HES2: variants seen among roughly 807,000 people sequenced by gnomAD.
HES2 encodes the protein transcription factor HES-2.
HES2 carries 11 observed loss-of-function variants against 11.9 expected under a neutral mutation model. That is an observed-to-expected ratio of 0.92 (90% CI 0.58 to 1.53). The LOEUF (loss-of-function observed/expected upper bound fraction) is 1.53, where lower values mean the gene tolerates loss of function less well. Ranked by LOEUF, HES2 falls within the 40% of genes most tolerant of loss-of-function variation. The pLI is 0.00. For synonymous variants in HES2, 125 were observed against 122.8 expected (o/e 1.02, Z -0.12); for missense variants, 260 against 253.8 (o/e 1.02, Z -0.16).
rs1429235293 is a variant in HES2 at position 6,419,337 on chromosome 1, A to T, written c.145T>A (p.Ser49Thr). 6 of 1,609,088 alleles carry T rather than the reference A, an allele frequency of 3.7e-6. No individual in the cohort carries two copies. The highest frequency in any genetic ancestry group is 5.1e-6 in the Non-Finnish European group (6 of 1,178,500). The change falls in exon 3 of 4, where the codon TCC becomes ACC. Residue 49 changes from serine (S) to threonine (T), a missense_variant. Transcript: ENST00000377834. This position sits in a 1 kb window ranked among gnomAD's most constrained non-coding sequence, Gnocchi z 8.1. ...LILPLLGRENSNCSKLEKADV... is the reference protein window; with the variant it reads ...LILPLLGRENTNCSKLEKADV... Reference sequence around the variant, plus strand: ...GCCTTCTCTAGCTTCGAGCAGTTGGAGTTCTGCGCCCGGCCACGAGGAAGA... The same window carrying T: ...GCCTTCTCTAGCTTCGAGCAGTTGGTGTTCTGCGCCCGGCCACGAGGAAGA...
rs1298725482 is a variant in HES2, at chr1:6,419,290, C to A, written c.192G>T (p.Val64=). Residue 64 remains valine, a synonymous_variant, in exon 3 of 4, where the codon GTG becomes GTT. Coordinates refer to ENST00000377834, the MANE Select transcript of HES2 (RefSeq NM_019089.5). This position sits in a 1 kb window ranked among gnomAD's most constrained non-coding sequence, Gnocchi z 8.1. ...ACGCAGGCAGCTCCTGCAGGAAGCG[C>A]ACGGTCATTTCCAGGACGTCTGCCT... ...LEKADVLEMT[V]RFLQELPASS... The A allele has an allele frequency of 6.2e-7, 1 of 1,611,048 alleles. No individual in the cohort carries two copies. The highest frequency in any genetic ancestry group is 8.5e-7 in the Non-Finnish European group (1 of 1,179,222).
Position 6,419,870 on chromosome 1 carries a change from G to T in HES2, c.-50C>A. 1 of 1,502,840 alleles carries T rather than the reference G, an allele frequency of 6.7e-7. No homozygotes were observed. Among genetic ancestry groups the T allele is most frequent in the South Asian group, 1.3e-5 (1 of 77,398 alleles). 93.1% of individuals were successfully genotyped at this position (1,502,840 alleles called of 1,614,324 possible). On this transcript the variant is annotated 5_prime_UTR_variant, in exon 1 of 4. Transcript: ENST00000377834. The surrounding 1 kb of genome is among the most constrained non-coding windows in gnomAD (Gnocchi z 8.1). The stretch of plus-strand genomic sequence containing the variant: ...TGCGAGCCCCACGCAAAGGGAAACC[G>T]AGGTCCGAAATGAGGTCCCGGGCGC...
rs112408380 is a variant in HES2, at chr1:6,419,865, A to T, written c.-45T>A. 93,546 of 1,510,754 alleles carry T rather than the reference A, an allele frequency of 0.062. 3,174 individuals are homozygous for T. The highest frequency in any genetic ancestry group is 0.12 in the African/African-American group (8,184 of 68,750). The allele number at this position is 1,510,754 out of a possible 1,614,324, so 93.6% of individuals were successfully genotyped here. A position where few individuals can be genotyped will look rare whatever the true frequency, so the allele number is the denominator to read the frequency against. On this transcript the variant is annotated 5_prime_UTR_variant, in exon 1 of 4. Transcript: ENST00000377834. This position sits in a 1 kb window ranked among gnomAD's most constrained non-coding sequence, Gnocchi z 8.1. ...GCAGCTGCGAGCCCCACGCAAAGGG[A>T]AACCGAGGTCCGAAATGAGGTCCCG...
chr1:6,419,336 G>C lies in HES2; in HGVS notation c.146C>G (p.Ser49Cys). ...LILPLLGREN[S>C]NCSKLEKADV... Reference sequence around the variant, plus strand: ...TGCCTTCTCTAGCTTCGAGCAGTTGGAGTTCTGCGCCCGGCCACGAGGAAG... The same window carrying C: ...TGCCTTCTCTAGCTTCGAGCAGTTGCAGTTCTGCGCCCGGCCACGAGGAAG... Residue 49 changes from serine to cysteine, a missense_variant, in exon 3 of 4, where the codon TCC becomes TGC. By Grantham distance (112) the Ser-to-Cys change is moderately radical. Coordinates refer to ENST00000377834, the MANE Select transcript of HES2 (RefSeq NM_019089.5). This position sits in a 1 kb window ranked among gnomAD's most constrained non-coding sequence, Gnocchi z 8.1. 1 of 1,609,580 alleles carries C rather than the reference G, an allele frequency of 6.2e-7. No individual in the cohort carries two copies. The highest frequency in any genetic ancestry group is 8.5e-7 in the Non-Finnish European group (1 of 1,178,674).
chr1:6,419,432 G>A lies in HES2; in HGVS notation c.142-92C>T, dbSNP rs1642886037. 1 of 1,253,204 alleles carries A rather than the reference G, an allele frequency of 8.0e-7. No individual in the cohort carries two copies. The highest frequency in any genetic ancestry group is 1.1e-6 in the Non-Finnish European group (1 of 901,984). 77.6% of individuals were successfully genotyped at this position (1,253,204 alleles called of 1,614,324 possible). ...GCACCCTCGCTCTAGTCGGGAGCTG[G>A]GTGTGGGGCGCGCCGTGGCCTGCTG... On this transcript the variant is annotated intron_variant, in intron 2 of 3. Transcript: ENST00000377834. The surrounding 1 kb of genome is among the most constrained non-coding windows in gnomAD (Gnocchi z 8.1).
rs1642863178 is a variant in HES2, at chr1:6,417,370, C to G, written c.*1503G>C. ...CCGGTGCTCTGGTCCCTAGCACAGG[C>G]TGCTGATTTGGGGACTCGGGGGAGA... On this transcript the variant is annotated 3_prime_UTR_variant, in exon 4 of 4. Transcript: ENST00000377834. 1 of 152,248 alleles carries G rather than the reference C, an allele frequency of 6.6e-6. No homozygotes were observed. Among genetic ancestry groups the G allele is most frequent in the African/African-American group, 2.4e-5 (1 of 41,446 alleles). 9.4% of individuals were successfully genotyped at this position (152,248 alleles called of 1,614,324 possible).
rs1642844840 is a variant in HES2 at position 6,416,086 on chromosome 1, T to C, written c.*2787A>G. The stretch of plus-strand genomic sequence containing the variant: ...AGCCACTGCGCCCGGCCTTGCCCAC[T>C]GGTTTTATGAGAAAGAGACATGGGA... On this transcript the variant is annotated 3_prime_UTR_variant, in exon 4 of 4. Transcript: ENST00000377834. The C allele has an allele frequency of 6.6e-6, 1 of 152,234 alleles. No individual in the cohort carries two copies. Among genetic ancestry groups the C allele is most frequent in the Non-Finnish European group, 1.5e-5 (1 of 68,068 alleles). The allele number at this position is 152,234 out of a possible 1,614,324, so 9.4% of individuals were successfully genotyped here.
In HES2 at chr1:6,419,578, C is replaced by T. The variant is rs1642888045; in HGVS notation, c.141+29G>A. ...CCTGCCCCCGCTCCGCGCCCCAGGA[C>T]CCTCTGCCCTCCGCCCGGGCGCGCT... On this transcript the variant is annotated intron_variant, in intron 2 of 3. Coordinates refer to ENST00000377834, the MANE Select transcript of HES2 (RefSeq NM_019089.5). This position sits in a 1 kb window ranked among gnomAD's most constrained non-coding sequence, Gnocchi z 8.1. 1 of 1,511,870 alleles carries T rather than the reference C, an allele frequency of 6.6e-7. No homozygotes were observed. Among genetic ancestry groups the T allele is most frequent in the Non-Finnish European group, 8.9e-7 (1 of 1,129,782 alleles). The allele number at this position is 1,511,870 out of a possible 1,614,324, so 93.7% of individuals were successfully genotyped here.
At position 6,418,939 on chromosome 1, in the gene HES2, G is replaced by T; in HGVS notation, c.456C>A (p.Pro152=). Residue 152 remains proline, a synonymous_variant, in exon 4 of 4, where the codon CCC becomes CCA. Coordinates refer to ENST00000377834, the MANE Select transcript of HES2 (RefSeq NM_019089.5). ...GCGGCGAGGGCACCGGAGCGGATGC[G>T]GGCTCTGGGGCAGACGCGGGCGCTG... ...PAPAPASAPE[P]ASAPVPSPPS... The T allele has an allele frequency of 7.5e-7, 1 of 1,327,092 alleles. No individual in the cohort carries two copies. The highest frequency in any genetic ancestry group is 2.2e-5 in the South Asian group (1 of 45,904). 82.2% of individuals were successfully genotyped at this position (1,327,092 alleles called of 1,614,324 possible). A position where few individuals can be genotyped will look rare whatever the true frequency, so the allele number is the denominator to read the frequency against.
Position 6,415,799 on chromosome 1 carries a change from G to A in HES2, c.*3074C>T, listed in dbSNP as rs1642840497. ...TAGTTTTTTGTTTGTTTGTTTTTGA[G>A]ATGGAGTCTTGCTCTGTCACCCAGG... On this transcript the variant is annotated 3_prime_UTR_variant, in exon 4 of 4. Coordinates refer to ENST00000377834, the MANE Select transcript of HES2 (RefSeq NM_019089.5). The A allele has an allele frequency of 6.6e-6, 1 of 152,572 alleles. No individual in the cohort carries two copies. The highest frequency in any genetic ancestry group is 2.1e-4 in the South Asian group (1 of 4,834). 9.5% of individuals were successfully genotyped at this position (152,572 alleles called of 1,614,324 possible).
In HES2 at chr1:6,418,787, G is replaced by A. The variant is rs867983185; in HGVS notation, c.*86C>T. On this transcript the variant is annotated 3_prime_UTR_variant, in exon 4 of 4. Coordinates refer to ENST00000377834, the MANE Select transcript of HES2 (RefSeq NM_019089.5). The stretch of plus-strand genomic sequence containing the variant: ...GTACTGGGCTGGCCCCTAATGATGG[G>A]AACAGCAGCCGCCACCAAGAGCTTC... 37 of 1,236,036 alleles carry A rather than the reference G, an allele frequency of 3.0e-5. No individual in the cohort carries two copies. In the Middle Eastern group the frequency reaches 1.5e-3, roughly 50 times the overall value. 76.6% of individuals were successfully genotyped at this position (1,236,036 alleles called of 1,614,324 possible).
Position 6,419,193 on chromosome 1 carries a change from C to G in HES2, c.242-40G>C. 3 of 1,585,262 alleles carry G rather than the reference C, an allele frequency of 1.9e-6. No individual in the cohort carries two copies. The highest frequency in any genetic ancestry group is 2.3e-5 in the East Asian group (1 of 43,616). ...CCGCGTGAGGCGCGGGGTAGGGTGC[C>G]GGGTGCGGGGTGCAGAGCGCGCGGC... On this transcript the variant is annotated intron_variant, in intron 3 of 3. Coordinates refer to ENST00000377834, the MANE Select transcript of HES2 (RefSeq NM_019089.5). This position sits in a 1 kb window ranked among gnomAD's most constrained non-coding sequence, Gnocchi z 8.1.
Position 6,419,890 on chromosome 1 carries a change from G to T in HES2, c.-70C>A. On this transcript the variant is annotated 5_prime_UTR_variant, in exon 1 of 4. Transcript: ENST00000377834. This position sits in a 1 kb window ranked among gnomAD's most constrained non-coding sequence, Gnocchi z 8.1. ...AAACCGAGGTCCGAAATGAGGTCCC[G>T]GGCGCGGCCCGGGCTGGTGCCAGAC... 6.9e-7 allele frequency: 1 copy of T among 1,455,910 alleles called. No homozygotes were observed. Among genetic ancestry groups the T allele is most frequent in the East Asian group, 2.9e-5 (1 of 34,636 alleles). 90.2% of individuals were successfully genotyped at this position (1,455,910 alleles called of 1,614,324 possible). A position where few individuals can be genotyped will look rare whatever the true frequency, so the allele number is the denominator to read the frequency against.
In HES2 at chr1:6,418,850, G is replaced by A; in HGVS notation, c.*23C>T. The A allele has an allele frequency of 7.7e-7, 1 of 1,297,428 alleles. No homozygotes were observed. The allele number at this position is 1,297,428 out of a possible 1,614,324, so 80.4% of individuals were successfully genotyped here. On this transcript the variant is annotated 3_prime_UTR_variant, in exon 4 of 4. Transcript: ENST00000377834. Reference sequence around the variant, plus strand: ...GCCCCAAGGTCCCAAGCAGTCGGCAGGGTCTGTGGATCGGCCGAGGGGCTA... The same window carrying A: ...GCCCCAAGGTCCCAAGCAGTCGGCAAGGTCTGTGGATCGGCCGAGGGGCTA...
rs980922571 is a variant in HES2, at chr1:6,416,060, G to C, written c.*2813C>G. 1.3e-5 allele frequency: 2 copies of C among 152,288 alleles called. No homozygotes were observed. The highest frequency in any genetic ancestry group is 4.8e-5 in the African/African-American group (2 of 41,456). 9.4% of individuals were successfully genotyped at this position (152,288 alleles called of 1,614,324 possible). A position where few individuals can be genotyped will look rare whatever the true frequency, so the allele number is the denominator to read the frequency against. ...CCCGAAGTGCTGGCATTACAGACGTGAGCCACTGCGCCCGGCCTTGCCCAC... is the reference window on the plus strand; with the variant it reads ...CCCGAAGTGCTGGCATTACAGACGTCAGCCACTGCGCCCGGCCTTGCCCAC... On this transcript the variant is annotated 3_prime_UTR_variant, in exon 4 of 4. Transcript: ENST00000377834.
rs1371146509 is a variant in HES2, at chr1:6,419,171, C to G, written c.242-18G>C. 1.9e-6 allele frequency: 3 copies of G among 1,561,978 alleles called. No homozygotes were observed. Among genetic ancestry groups the G allele is most frequent in the Non-Finnish European group, 2.6e-6 (3 of 1,161,456 alleles). On this transcript the variant is annotated intron_variant, in intron 3 of 3. Coordinates refer to ENST00000377834, the MANE Select transcript of HES2 (RefSeq NM_019089.5). The surrounding 1 kb of genome is among the most constrained non-coding windows in gnomAD (Gnocchi z 8.1). ...GCAAGGCACTGCGGGCGGAGAGCCGCGTGAGGCGCGGGGTAGGGTGCCGGG... is the reference window on the plus strand; with the variant it reads ...GCAAGGCACTGCGGGCGGAGAGCCGGGTGAGGCGCGGGGTAGGGTGCCGGG...
rs952380380 is a variant in HES2, at chr1:6,418,998, C to G, written c.397G>C (p.Ala133Pro). ...AASATLDGGR[A>P]GDSSGPSAPA... ...GCAGACGGGCCACTGGAATCCCCAG[C>G]GCGCCCGCCGTCCAGGGTGGCGCTG... The change falls in exon 4 of 4, where the codon GCT (alanine) becomes CCT (proline). Residue 133 changes from alanine to proline, a missense_variant. Physicochemically the swap from Ala to Pro is conservative, Grantham distance 27. Transcript: ENST00000377834. 10 of 1,369,122 alleles carry G rather than the reference C, an allele frequency of 7.3e-6. No homozygotes were observed. The highest frequency in any genetic ancestry group is 9.3e-6 in the Non-Finnish European group (10 of 1,072,234). 84.8% of individuals were successfully genotyped at this position (1,369,122 alleles called of 1,614,324 possible). A position where few individuals can be genotyped will look rare whatever the true frequency, so the allele number is the denominator to read the frequency against.
Position 6,419,025 on chromosome 1 carries a change from C to T in HES2, c.370G>A (p.Ala124Thr). Residue 124 changes from alanine to threonine, a missense_variant, in exon 4 of 4, where the codon GCC becomes ACC. Transcript: ENST00000377834. The surrounding 1 kb of genome is among the most constrained non-coding windows in gnomAD (Gnocchi z 8.1). The part of the protein sequence containing the change: ...RLLEHLWRRA[A>T]SATLDGGRAG... ...CGCCCGCCGTCCAGGGTGGCGCTGG[C>T]CGCTCTCCGCCACAGGTGCTCCAGC... 8 of 1,432,884 alleles carry T rather than the reference C, an allele frequency of 5.6e-6. No homozygotes were observed. The highest frequency in any genetic ancestry group is 1.4e-5 in the South Asian group (1 of 69,440). The allele number at this position is 1,432,884 out of a possible 1,614,324, so 88.8% of individuals were successfully genotyped here. A position where few individuals can be genotyped will look rare whatever the true frequency, so the allele number is the denominator to read the frequency against.
Position 6,419,168 on chromosome 1 carries a change from C to A in HES2, c.242-15G>T, listed in dbSNP as rs1642882008. On this transcript the variant is annotated splice_polypyrimidine_tract_variant and intron_variant, in intron 3 of 3. Coordinates refer to ENST00000377834, the MANE Select transcript of HES2 (RefSeq NM_019089.5). The surrounding 1 kb of genome is among the most constrained non-coding windows in gnomAD (Gnocchi z 8.1). ...GTCGCAAGGCACTGCGGGCGGAGAGCCGCGTGAGGCGCGGGGTAGGGTGCC... is the reference window on the plus strand; with the variant it reads ...GTCGCAAGGCACTGCGGGCGGAGAGACGCGTGAGGCGCGGGGTAGGGTGCC... 6.4e-7 allele frequency: 1 copy of A among 1,557,646 alleles called. No homozygotes were observed. The highest frequency in any genetic ancestry group is 2.4e-5 in the East Asian group (1 of 42,062).
Sources: allele counts gnomAD v4.1 joint callset, GRCh38; gene constraint gnomAD v4.1.1; non-coding constraint Gnocchi (gnomAD v3.1); transcripts MANE v1.5; gene names NCBI Gene and HGNC (gene_info 2026-07-23, HGNC 2026-07-21).